Variants in FHIT observed in about 807,000 individuals in gnomAD.
FHIT encodes the protein fragile histidine triad diadenosine triphosphatase.
A neutral mutation model predicts 17.9 loss-of-function variants in FHIT; 19 were observed. The observed-to-expected ratio is 1.06, with a 90% CI of 0.74 to 1.56. The LOEUF (loss-of-function observed/expected upper bound fraction) is 1.56. Ranked by LOEUF, FHIT falls within the 40% of genes most tolerant of loss-of-function variation. The pLI, the probability that FHIT is intolerant of heterozygous loss-of-function variation, is 0.00. For synonymous variants in FHIT, 81 were observed against 69.7 expected, an observed-to-expected ratio of 1.16 and a Z score of -0.81; for missense variants, 248 against 189.2, an observed-to-expected ratio of 1.31 and a Z score of -1.82.
At chr3:60,348,061 C>T (rs73107017) in intron 5 of FHIT, among the ~76,000 whole-genome samples, 21,710 of 151,872 alleles carry the variant, frequency 0.14, 1,640 homozygotes, top group Non-Finnish European at 0.16. Flanking sequence ...ACCTGGCCTA[C>T]CCTTTCATTT....
At chr3:60,372,273 C>A (rs1036631516) in intron 5 of FHIT, among the ~76,000 whole-genome samples, 2 of 152,102 alleles carry the variant, frequency 1.3e-5, no homozygotes, top group African/African-American at 2.4e-5. Context: ...TTAAGCCAAC[C>A]TTCCAAATTT....
chr3:60,029,969 G>A (rs1700933139), intron 5 of FHIT, among the ~76,000 whole-genome samples: 1 of 148,756 alleles, frequency 6.7e-6, no homozygotes, highest in Admixed American at 6.9e-5. Context: ...TTTTTGCAGA[G>A]TCTTTTATGA....
intron 3 of FHIT, among the ~76,000 whole-genome samples, chr3:61,022,987 G>C (rs1258897476): frequency 1.3e-5 from 2 of 152,154 alleles, no homozygotes; most frequent in East Asian, 3.9e-4. Flanking sequence ...TGGAAGTTCT[G>C]GCCAGGGCGA....
At chr3:60,129,049 G>GTTGTTTTTTTTTTTTTTT (rs759645654) in intron 5 of FHIT, among the ~76,000 whole-genome samples, 1 of 121,042 alleles carries the variant, frequency 8.3e-6, no homozygotes, top group African/African-American at 3.6e-5. Context: ...TTCCTTTTTT[G>GTTGTTTTTTTTTTTTTTT]TTTGTTTTTT....
chr3:60,727,045 G>T (rs1251325423), intron 4 of FHIT, among the ~76,000 whole-genome samples: 1 of 152,116 alleles, frequency 6.6e-6, no homozygotes, highest in Non-Finnish European at 1.5e-5. Flanking sequence ...AAACATCACT[G>T]CATTTCCACT....
At chr3:59,938,762 G>GAA (rs957071263) in intron 7 of FHIT, among the ~76,000 whole-genome samples, 4 of 152,120 alleles carry the variant, frequency 2.6e-5, no homozygotes, top group Admixed American at 1.3e-4. Context: ...AAATAAGTTT[G>GAA]AAAATATACA....
intron 5 of FHIT, among the ~76,000 whole-genome samples, chr3:60,121,391 A>G (rs1705238816): frequency 6.6e-6 from 1 of 152,136 alleles, no homozygotes; most frequent in Admixed American, 6.5e-5. Flanking sequence ...CAGTTTGAAA[A>G]TACATGTGTA....
chr3:60,357,539 C>G (rs564757106), intron 5 of FHIT, among the ~76,000 whole-genome samples: 1 of 152,236 alleles, frequency 6.6e-6, no homozygotes, highest in Admixed American at 6.5e-5. Flanking sequence ...GCCACCACGC[C>G]CGGCCCAATA....
intron 8 of FHIT, among the ~76,000 whole-genome samples, chr3:59,755,097 T>C (rs1242455699): frequency 1.3e-5 from 2 of 152,112 alleles, no homozygotes; most frequent in Non-Finnish European, 2.9e-5. Context: ...CCCACACACA[T>C]ATAGAAAGAA....
chr3:60,122,131 T>C (rs1206854080), intron 5 of FHIT, among the ~76,000 whole-genome samples: 2 of 151,558 alleles, frequency 1.3e-5, no homozygotes, highest in African/African-American at 4.9e-5. Flanking sequence ...CGCCTAGAGA[T>C]AATAAAAGAG....
chr3:60,232,088 C>T (rs1225934865), intron 5 of FHIT, among the ~76,000 whole-genome samples: 1 of 152,160 alleles, frequency 6.6e-6, no homozygotes, highest in Non-Finnish European at 1.5e-5. Context: ...TGAATAGGAA[C>T]TTGTAGTAGA....
intron 5 of FHIT, among the ~76,000 whole-genome samples, chr3:60,127,598 A>AT (rs922211109): frequency 6.6e-6 from 1 of 152,034 alleles, no homozygotes; most frequent in Non-Finnish European, 1.5e-5. Context: ...CATTTTATTT[A>AT]TTTTTTATAT....
At chr3:60,532,171 TTC>T (rs761148849) in intron 5 of FHIT, among the ~76,000 whole-genome samples, 7 of 152,316 alleles carry the variant, frequency 4.6e-5, no homozygotes, top group Non-Finnish European at 8.8e-5. Context: ...TGAGCAAGGT[TTC>T]TGTCATTACA....
chr3:60,098,799 CTGAT>C (rs1559630428), intron 5 of FHIT, among the ~76,000 whole-genome samples: 3 of 152,152 alleles, frequency 2.0e-5, no homozygotes, highest in East Asian at 1.9e-4. Context: ...AATGTGTTAA[CTGAT>C]TGTGTTATCA....
At chr3:59,838,236 C>T (rs952960231) in intron 8 of FHIT, among the ~76,000 whole-genome samples, 2 of 152,164 alleles carry the variant, frequency 1.3e-5, no homozygotes, top group Admixed American at 1.3e-4. Context: ...TCTACCCAAA[C>T]AACCTGCCCT....
intron 5 of FHIT, among the ~76,000 whole-genome samples, chr3:60,060,044 G>T (rs777686745): frequency 1.9e-4 from 29 of 151,846 alleles, no homozygotes; most frequent in Admixed American, 3.3e-4. Context: ...GATACATGGG[G>T]GAAAAATGGT....
chr3:61,168,390 G>T (rs908741587), intron 2 of FHIT, among the ~76,000 whole-genome samples: 1 of 152,180 alleles, frequency 6.6e-6, no homozygotes, highest in Non-Finnish European at 1.5e-5. Context: ...CTTCAAAAAT[G>T]AGTGACAAAA....
intron 8 of FHIT, among the ~76,000 whole-genome samples, chr3:59,767,467 C>A (rs1371253460): frequency 6.6e-6 from 1 of 152,148 alleles, no homozygotes; most frequent in Non-Finnish European, 1.5e-5. Context: ...TCATTGCACT[C>A]TAGCCTGGGC....
chr3:59,980,390 C>T (rs906249707), intron 7 of FHIT, among the ~76,000 whole-genome samples: 1 of 152,226 alleles, frequency 6.6e-6, no homozygotes, highest in African/African-American at 2.4e-5. Context: ...CTATGTTCTT[C>T]AAGAGTCCCC....
Sources: gnomAD v4.1 joint callset for allele counts (sites outside exome capture counted in the v4.1 genomes callset) on GRCh38, gnomAD v4.1.1 for gene constraint, MANE v1.5 for transcripts, NCBI Gene and HGNC (gene_info 2026-07-23, HGNC 2026-07-21) for gene names.